SPTB: variants seen among roughly 807,000 people sequenced by gnomAD.
The protein encoded by SPTB is spectrin beta chain, erythrocytic.
In SPTB, 45 loss-of-function variants were observed where a neutral mutation model predicts 256.2. That is an observed-to-expected ratio of 0.18 (90% CI 0.14 to 0.23). The LOEUF is 0.23. Ranked by LOEUF, SPTB falls within the 10% of genes least tolerant of loss-of-function variation. The pLI is 1.00. For synonymous variants in SPTB, 1,231 were observed against 1,243.1 expected (o/e 0.99, Z 0.21); for missense variants, 2,715 against 3,040.4 (o/e 0.89, Z 2.52).
At position 64,750,042 on chromosome 14, in the gene SPTB, T is replaced by C. The variant is rs192119423; in HGVS notation, c.6715A>G (p.Arg2239Gly). 1.7e-5 allele frequency: 27 copies of C among 1,614,202 alleles called. 1 individual carries two copies. In the East Asian group the frequency reaches 3.8e-4, roughly 23 times the overall value. ...PYHGEEPLAL[R>G]HAICEIAANY... ...GCAGCAATCTCACAGATGGCATGTCTCAGGGCCAGGGGTTCCTCCCCATGG... is the reference window on the plus strand; with the variant it reads ...GCAGCAATCTCACAGATGGCATGTCCCAGGGCCAGGGGTTCCTCCCCATGG... The change falls in exon 34 of 36, where the codon AGA (arginine) becomes GGA (glycine). Residue 2239 changes from arginine to glycine, a missense_variant. By Grantham distance (125) the Arg-to-Gly change is moderately radical. Around this residue, in one of 4 missense-constraint regions of SPTB, gnomAD observed 2,239 missense variants for 2,384.4 expected, o/e 0.94. Transcript: ENST00000644917.
At position 64,747,014 on chromosome 14, in the gene SPTB, G is replaced by C. The variant is rs2081856342; in HGVS notation, c.*2292C>G. 1 of 152,788 alleles carries C rather than the reference G, an allele frequency of 6.5e-6. No homozygotes were observed. Among genetic ancestry groups the C allele is most frequent in the African/African-American group, 2.4e-5 (1 of 41,458 alleles). The allele number at this position is 152,788 out of a possible 1,614,324, so 9.5% of individuals were successfully genotyped here. The stretch of plus-strand genomic sequence containing the variant: ...TAGTTGGTCGAATGTCTTGGAGCCT[G>C]GGTGACAGGAGGGATGTGTGGGGAG... On this transcript the variant is annotated 3_prime_UTR_variant, in exon 36 of 36. Coordinates refer to ENST00000644917, the MANE Select transcript of SPTB (RefSeq NM_001355436.2).
chr14:64,774,875 AAAAGT>A (rs139851818), intron 23 of SPTB, among the ~76,000 whole-genome samples: 8,713 of 152,190 alleles, frequency 0.057, 289 homozygotes, highest in Non-Finnish European at 0.085. Flanking sequence ...CAGGGTAAAG[AAAAGT>A]AGAGAACCCT....
intron 1 of SPTB, among the ~76,000 whole-genome samples, chr14:64,836,084 G>A (rs1337456137): frequency 6.6e-5 from 10 of 152,144 alleles, no homozygotes; most frequent in African/African-American, 1.9e-4. Flanking sequence ...CTGTGAGGTC[G>A]AATGAGCAGA....
chr14:64,859,720 CTATA>C (rs754269849), intron 1 of SPTB, among the ~76,000 whole-genome samples: 3 of 17,852 alleles, frequency 1.7e-4, no homozygotes, highest in Non-Finnish European at 3.3e-4. Context: ...CTCTCTCTCT[CTATA>C]TATATATATA....
rs2082304208 is a variant in SPTB at position 64,773,132 on chromosome 14, A to T, written c.5178+88T>A. On this transcript the variant is annotated intron_variant, in intron 25 of 35. Coordinates refer to ENST00000644917, the MANE Select transcript of SPTB (RefSeq NM_001355436.2). Reference sequence around the variant, plus strand: ...CCTCACACTGGGGAGGTTACGTCCTATGCAGCACTCTGTGTGTCTTGAGTG... The same window carrying T: ...CCTCACACTGGGGAGGTTACGTCCTTTGCAGCACTCTGTGTGTCTTGAGTG... The T allele has an allele frequency of 5.1e-6, 8 of 1,578,864 alleles. No individual in the cohort carries two copies. The Admixed American group carries it at 1.4e-4, about 28-fold the overall frequency.
chr14:64,831,665 G>A (rs780075794), intron 1 of SPTB, among the ~76,000 whole-genome samples: 36 of 152,184 alleles, frequency 2.4e-4, no homozygotes, highest in African/African-American at 5.8e-4. Context: ...CTGCTCACAC[G>A]GGCCTAGAAG....
At chr14:64,767,378 C>A in intron 30 of SPTB, 26 bp from the exon 31 acceptor site, 1 of 1,613,676 alleles carries the variant, frequency 6.2e-7, no homozygotes, top group South Asian at 1.1e-5. Context: ...GCCCAGGGGT[C>A]AGAGCAGCCA....
rs557807411 is a variant in SPTB, at chr14:64,813,491, T to A, written c.149-8401A>T. ...AAGCCAAGAGCTTGGGGAACCAGAG[T>A]GAGCCATGCTTTGTTTTGTTGTTGT... On this transcript the variant is annotated intron_variant, in intron 2 of 35. Coordinates refer to ENST00000644917, the MANE Select transcript of SPTB (RefSeq NM_001355436.2). Among the ~76,000 whole-genome samples, 23 of 152,104 alleles carry A rather than the reference T, an allele frequency of 1.5e-4. No individual in the cohort carries two copies. The South Asian group carries it at 4.8e-3, about 32-fold the overall frequency.
chr14:64,797,918 C>A, intron 9 of SPTB, 72 bp from the exon 10 acceptor site: 1 of 1,037,996 alleles, frequency 9.6e-7, no homozygotes, highest in Non-Finnish European at 1.5e-6. Context: ...AAAGTCAACA[C>A]GGAACTGTGG....
Position 64,802,085 on chromosome 14 carries a change from T to A in SPTB, c.566+141A>T. ...GTATTCCAGGCCTCAAAGAATCAGG[T>A]CAGGACAGACTTTGCATCAATTACA... On this transcript the variant is annotated intron_variant, in intron 5 of 35. Coordinates refer to ENST00000644917, the MANE Select transcript of SPTB (RefSeq NM_001355436.2). This position sits in a 1 kb window ranked among gnomAD's most constrained non-coding sequence, Gnocchi z 5.1. 1 of 937,020 alleles carries A rather than the reference T, an allele frequency of 1.1e-6. No homozygotes were observed. 58.0% of individuals were successfully genotyped at this position (937,020 alleles called of 1,614,324 possible).
At position 64,747,521 on chromosome 14, in the gene SPTB, C is replaced by T. The variant is rs191594037; in HGVS notation, c.*1785G>A. 2.5e-3 allele frequency: 385 copies of T among 152,746 alleles called. 2 individuals carry two copies. The Middle Eastern group carries it at 0.027, about 11-fold the overall frequency. 9.5% of individuals were successfully genotyped at this position (152,746 alleles called of 1,614,324 possible). A position where few individuals can be genotyped will look rare whatever the true frequency, so the allele number is the denominator to read the frequency against. Reference sequence around the variant, plus strand: ...GGGGATGTCAGGCTCCATCGGATGACGTCTTCCTTCCTGTGGCTCCTGCCT... The same window carrying T: ...GGGGATGTCAGGCTCCATCGGATGATGTCTTCCTTCCTGTGGCTCCTGCCT... On this transcript the variant is annotated 3_prime_UTR_variant, in exon 36 of 36. Transcript: ENST00000644917.
intron 1 of SPTB, among the ~76,000 whole-genome samples, chr14:64,836,012 A>T (rs1351956324): frequency 2.6e-5 from 4 of 152,214 alleles, no homozygotes; most frequent in Admixed American, 1.3e-4. Context: ...CAGTATCAAT[A>T]TTCTGCTTTC....
chr14:64,849,963 T>G (rs1388623105), intron 1 of SPTB, among the ~76,000 whole-genome samples: 2 of 152,162 alleles, frequency 1.3e-5, no homozygotes. Flanking sequence ...TGGCAGAGCT[T>G]AAAGCTGCAG....
chr14:64,753,909 C>T, intron 32 of SPTB, 116 bp from the exon 33 acceptor site: 1 of 1,392,278 alleles, frequency 7.2e-7, no homozygotes, highest in Non-Finnish European at 9.9e-7. Context: ...AGCCTACTTC[C>T]TTTCTACTCC....
In SPTB at chr14:64,747,486, G is replaced by A. The variant is rs1373228036; in HGVS notation, c.*1820C>T. Reference sequence around the variant, plus strand: ...CCAAATGAAGACCTTGCTCACCAGGGCGGGAACCTGGGGATGTCAGGCTCC... The same window carrying A: ...CCAAATGAAGACCTTGCTCACCAGGACGGGAACCTGGGGATGTCAGGCTCC... On this transcript the variant is annotated 3_prime_UTR_variant, in exon 36 of 36. Transcript: ENST00000644917. 2 of 152,706 alleles carry A rather than the reference G, an allele frequency of 1.3e-5. No homozygotes were observed. Among genetic ancestry groups the A allele is most frequent in the Admixed American group, 6.5e-5 (1 of 15,290 alleles). 9.5% of individuals were successfully genotyped at this position (152,706 alleles called of 1,614,324 possible).
At chr14:64,879,408 G>C (rs1161237029) in intron 1 of SPTB, among the ~76,000 whole-genome samples, 1 of 152,208 alleles carries the variant, frequency 6.6e-6, no homozygotes, top group African/African-American at 2.4e-5. Context: ...GCGGTCGGAC[G>C]GGCTAGAGGC....
chr14:64,838,976 T>C (rs771905674), intron 1 of SPTB, among the ~76,000 whole-genome samples: 7 of 151,950 alleles, frequency 4.6e-5, no homozygotes, highest in Non-Finnish European at 1.0e-4. Flanking sequence ...CTACCAAAAA[T>C]ACAAAAATTA....
intron 15 of SPTB, among the ~76,000 whole-genome samples, chr14:64,789,755 T>G (rs757311111): frequency 6.6e-6 from 1 of 152,144 alleles, no homozygotes; most frequent in African/African-American, 2.4e-5. Flanking sequence ...ATAATTAGAA[T>G]GTAAGATAGG....
In SPTB at chr14:64,754,578, C is replaced by T. The variant is rs115105124; in HGVS notation, c.6346-785G>A. On this transcript the variant is annotated intron_variant, in intron 32 of 35. Transcript: ENST00000644917. ...TGAGCATTTCATGGGATCTAATGTT[C>T]AGCAGGAGTTGAGAATCCCCCTCGT... The T allele has an allele frequency of 7.9e-3, 1,207 of 153,242 alleles. 18 individuals carry two copies. Among genetic ancestry groups the T allele is most frequent in the African/African-American group, 0.028 (1,144 of 41,558 alleles). The allele number at this position is 153,242 out of a possible 1,614,324, so 9.5% of individuals were successfully genotyped here. A position where few individuals can be genotyped will look rare whatever the true frequency, so the allele number is the denominator to read the frequency against.
Sources: gnomAD v4.1 joint callset for allele counts (sites outside exome capture counted in the v4.1 genomes callset) on GRCh38, gnomAD v4.1.1 for gene constraint, gnomAD v4.1.1 regional missense constraint, Gnocchi (gnomAD v3.1) non-coding constraint, MANE v1.5 for transcripts, NCBI Gene and HGNC (gene_info 2026-07-23, HGNC 2026-07-21) for gene names.